The following DNMT3A variants were observed in gnomAD, a reference collection of about 807,000 sequenced individuals.
DNMT3A encodes DNA (cytosine-5)-methyltransferase 3A.
Under a neutral mutation model 117.6 loss-of-function variants are expected in DNMT3A, and 267 were observed. The ratio of observed to expected loss-of-function variants is 2.27; its 90% CI spans 2.05 to 2.51. DNMT3A has a LOEUF of 2.51. Among genes scored for constraint, DNMT3A ranks in the 30% most tolerant of loss-of-function variants. The pLI is 0.00. For missense variants in DNMT3A, 1,029 were observed against 1,260.2 expected (o/e 0.82, Z 2.78); for synonymous variants, 432 against 474.8 (o/e 0.91, Z 1.17).
At position 25,228,128 on chromosome 2, in the gene DNMT3A, C is replaced by T. The variant is rs1383407861; in HGVS notation, c.*6151G>A. ...CAGGGACCCCTCGGGCCCCCACTCG[C>T]CCTTCCCTGAATGTCCTAGAACCAG... On this transcript the variant is annotated 3_prime_UTR_variant, in exon 23 of 23. Transcript: ENST00000321117. 6.8e-6 allele frequency: 1 copy of T among 146,968 alleles called. No homozygotes were observed. The highest frequency in any genetic ancestry group is 1.5e-5 in the Non-Finnish European group (1 of 67,052). The allele number at this position is 146,968 out of a possible 1,614,324, so 9.1% of individuals were successfully genotyped here. A position where few individuals can be genotyped will look rare whatever the true frequency, so the allele number is the denominator to read the frequency against.
chr2:25,322,879 G>A (rs2034648836), intron 1 of DNMT3A, among the ~76,000 whole-genome samples: 1 of 151,878 alleles, frequency 6.6e-6, no homozygotes, highest in Non-Finnish European at 1.5e-5. Flanking sequence ...TCACCCTAAG[G>A]GCCCCTTCTT....
In DNMT3A at chr2:25,313,929, C is replaced by T. The variant is rs1290646331; in HGVS notation, c.56G>A (p.Arg19Gln). ...PGDTSSSAAE[R>Q]EEDRKDGEEQ... is the part of the protein sequence containing the mutation. ...GCTGCTCACCTTTCGGTCCTCCTCC[C>T]GCTCCGCAGCAGAGCTGCTGGTGTC... Residue 19 changes from arginine to glutamine, a missense_variant, in exon 2 of 23, where the codon CGG (arginine) becomes CAG (glutamine). Coordinates refer to ENST00000321117, the MANE Select transcript of DNMT3A (RefSeq NM_022552.5). The T allele has an allele frequency of 1.9e-5, 30 of 1,549,778 alleles. No homozygotes were observed. The highest frequency in any genetic ancestry group is 2.4e-5 in the Non-Finnish European group (28 of 1,147,078).
Position 25,228,204 on chromosome 2 carries a change from A to AT in DNMT3A, c.*6074_*6075insA. The AT allele has an allele frequency of 1.2e-4, 10 of 84,154 alleles. No individual in the cohort carries two copies. The highest frequency in any genetic ancestry group is 9.6e-5 in the Non-Finnish European group (4 of 41,664). 5.2% of individuals were successfully genotyped at this position (84,154 alleles called of 1,614,324 possible). A position where few individuals can be genotyped will look rare whatever the true frequency, so the allele number is the denominator to read the frequency against. On this transcript the variant is annotated 3_prime_UTR_variant, in exon 23 of 23. Coordinates refer to ENST00000321117, the MANE Select transcript of DNMT3A (RefSeq NM_022552.5). ...CAATAAATAGAGAAGCAACCCTAAA[A>AT]AAAAAAAAAAAAAAAAAAAAAAAAA...
intron 6 of DNMT3A, among the ~76,000 whole-genome samples, chr2:25,263,455 C>T (rs1413468121): frequency 6.6e-6 from 1 of 152,188 alleles, no homozygotes; most frequent in Non-Finnish European, 1.5e-5. Context: ...CAATTGGTCT[C>T]CCCCTACCCC....
Position 25,257,445 on chromosome 2 carries a change from T to G in DNMT3A, c.640-9193A>C, listed in dbSNP as rs1162367986. On this transcript the variant is annotated intron_variant, in intron 6 of 22. Coordinates refer to ENST00000321117, the MANE Select transcript of DNMT3A (RefSeq NM_022552.5). The surrounding 1 kb of genome is among the most constrained non-coding windows in gnomAD (Gnocchi z 4.8). ...GGCCTCTGCTTGGAGCTTGTTGTTA[T>G]GGCAACATCCCCCCTTCCTGTCATT... is the stretch of plus-strand genomic sequence containing the variant. Among the ~76,000 whole-genome samples the G allele has an allele frequency of 6.6e-6, 1 of 152,160 alleles. No individual in the cohort carries two copies. The highest frequency in any genetic ancestry group is 1.5e-5 in the Non-Finnish European group (1 of 68,020).
rs572043732 is a variant in DNMT3A at position 25,308,639 on chromosome 2, T to C, written c.72+5274A>G. 3.3e-5 allele frequency among the ~76,000 whole-genome samples: 5 copies of C among 152,038 alleles called. No individual in the cohort carries two copies. The East Asian group carries it at 9.7e-4, about 29-fold the overall frequency. On this transcript the variant is annotated intron_variant, in intron 2 of 22. Transcript: ENST00000321117. ...AGAGGTGAGGGTGCAGCGGCTTTTC[T>C]ATAGCTATTTAAACATACTAAGAAG...
chr2:25,248,195 GC>G lies in DNMT3A; in HGVS notation c.696del (p.Glu235SerfsTer81), dbSNP rs763740173. On this transcript the variant is annotated frameshift_variant, in exon 7 of 23. Coordinates refer to ENST00000321117, the MANE Select transcript of DNMT3A (RefSeq NM_022552.5). LOFTEE classifies it high-confidence loss of function. ...AGMNAVEENQ[G>X]PGESQKVEEA... is the part of the protein sequence containing the mutation. ...TCCTCCACCTTCTGAGACTCCCCGG[GC>G]CCCTGGTTTTCTTCCACAGCATTCA... 2 of 1,613,296 alleles carry G rather than the reference GC, an allele frequency of 1.2e-6. No individual in the cohort carries two copies. The highest frequency in any genetic ancestry group is 1.3e-5 in the African/African-American group (1 of 74,968).
At chr2:25,238,930 G>C (rs1286842864) in intron 20 of DNMT3A, among the ~76,000 whole-genome samples, 200 bp downstream of exon 20, 2 of 152,212 alleles carry the variant, frequency 1.3e-5, no homozygotes, top group Non-Finnish European at 2.9e-5. Context: ...AAGACCACTA[G>C]TTGTTGGTTT....
rs1294042474 is a variant in DNMT3A, at chr2:25,257,295, G to T, written c.640-9043C>A. Among the ~76,000 whole-genome samples, 1 of 152,234 alleles carries T rather than the reference G, an allele frequency of 6.6e-6. No homozygotes were observed. The highest frequency in any genetic ancestry group is 1.5e-5 in the Non-Finnish European group (1 of 68,044). On this transcript the variant is annotated intron_variant, in intron 6 of 22. Coordinates refer to ENST00000321117, the MANE Select transcript of DNMT3A (RefSeq NM_022552.5). The surrounding 1 kb of genome is among the most constrained non-coding windows in gnomAD (Gnocchi z 4.8). ...GGGGTCCAAAGGCTCGCACCTAGCG[G>T]TGTTCTGCCTTCTGGCAGCTCCTGG...
intron 3 of DNMT3A, among the ~76,000 whole-genome samples, chr2:25,284,347 A>G (rs892279236): frequency 2.0e-5 from 3 of 152,236 alleles, no homozygotes; most frequent in Non-Finnish European, 4.4e-5. Flanking sequence ...CACATATATC[A>G]TAAAAAAATC....
Position 25,254,848 on chromosome 2 carries a change from A to G in DNMT3A, c.640-6596T>C, listed in dbSNP as rs572343849. 6.6e-6 allele frequency among the ~76,000 whole-genome samples: 1 copy of G among 152,356 alleles called. No homozygotes were observed. Among genetic ancestry groups the G allele is most frequent in the South Asian group, 2.1e-4 (1 of 4,828 alleles). On this transcript the variant is annotated intron_variant, in intron 6 of 22. Coordinates refer to ENST00000321117, the MANE Select transcript of DNMT3A (RefSeq NM_022552.5). This position sits in a 1 kb window ranked among gnomAD's most constrained non-coding sequence, Gnocchi z 4.7. ...ACTCCACATTCTGTGGTCTTGGGAC[A>G]TAAGACTGCAATGATGCCGTGCGTG... is the stretch of plus-strand genomic sequence containing the variant.
Position 25,281,143 on chromosome 2 carries a change from G to A in DNMT3A, c.448+1298C>T, listed in dbSNP as rs2031861515. Among the ~76,000 whole-genome samples, 1 of 152,132 alleles carries A rather than the reference G, an allele frequency of 6.6e-6. No individual in the cohort carries two copies. Among genetic ancestry groups the A allele is most frequent in the Non-Finnish European group, 1.5e-5 (1 of 68,032 alleles). On this transcript the variant is annotated intron_variant, in intron 4 of 22. Transcript: ENST00000321117. The surrounding 1 kb of genome is among the most constrained non-coding windows in gnomAD (Gnocchi z 4.8). ...GGAAGTATCAGAATATGTGCAAGAG[G>A]CCTAGACAATTCAGGACCCGTCTCC... is the stretch of plus-strand genomic sequence containing the variant.
chr2:25,297,515 T>G (rs1349213983), intron 3 of DNMT3A, among the ~76,000 whole-genome samples: 8 of 149,286 alleles, frequency 5.4e-5, no homozygotes, highest in South Asian at 4.3e-4. Context: ...TTGTTTTTTT[T>G]TTTTTTTTTT....
At chr2:25,338,163 G>A (rs1396055353) in intron 1 of DNMT3A, among the ~76,000 whole-genome samples, 1 of 152,202 alleles carries the variant, frequency 6.6e-6, no homozygotes, top group East Asian at 1.9e-4. Flanking sequence ...ACTGGCACGT[G>A]AATGGCCCTC....
chr2:25,269,816 G>C (rs2030706388), intron 6 of DNMT3A, among the ~76,000 whole-genome samples: 1 of 152,168 alleles, frequency 6.6e-6, no homozygotes, highest in Admixed American at 6.5e-5. Context: ...CTGCAGAAAT[G>C]TCTCATTTTC....
At chr2:25,243,316 T>C (rs1188256126) in intron 16 of DNMT3A, among the ~76,000 whole-genome samples, 3 of 146,578 alleles carry the variant, frequency 2.0e-5, no homozygotes, top group East Asian at 2.0e-4. Context: ...AAAAAAAAAA[T>C]GTAGCTTTAT....
At chr2:25,336,169 T>G (rs2035208150) in intron 1 of DNMT3A, among the ~76,000 whole-genome samples, 1 of 152,208 alleles carries the variant, frequency 6.6e-6, no homozygotes. Flanking sequence ...CCTGCACTCA[T>G]GCCTGGGGGC....
chr2:25,241,905 G>C (rs1404844474), intron 16 of DNMT3A, 198 bp from the exon 17 acceptor site: 2 of 631,286 alleles, frequency 3.2e-6, no homozygotes, highest in Non-Finnish European at 5.2e-6. Context: ...TCTGTCTCAT[G>C]CCTCGTTTGG....
Position 25,248,300 on chromosome 2 carries a change from GC to G in DNMT3A, c.640-49del, listed in dbSNP as rs3216707. Reference sequence around the variant, plus strand: ...GTCACCTTGACCTCTCCAGGAATTAGCAAGGCCACCTGACACTCAAGGGGAC... The same window carrying G: ...GTCACCTTGACCTCTCCAGGAATTAGAAGGCCACCTGACACTCAAGGGGAC... On this transcript the variant is annotated intron_variant, in intron 6 of 22. Transcript: ENST00000321117. 0.089 allele frequency: 142,023 copies of G among 1,595,282 alleles called. 6,819 individuals carry two copies. The highest frequency in any genetic ancestry group is 0.12 in the African/African-American group (8,953 of 74,104).
Sources: allele counts gnomAD v4.1 joint callset (sites outside exome capture counted in the v4.1 genomes callset), GRCh38; gene constraint gnomAD v4.1.1; non-coding constraint Gnocchi (gnomAD v3.1); transcripts MANE v1.5; gene names NCBI Gene and HGNC (gene_info 2026-07-23, HGNC 2026-07-21).